INTS4: variants seen among roughly 807,000 people sequenced by gnomAD.
The protein encoded by INTS4 is MSTP093.
In INTS4, 70 loss-of-function variants were observed where a neutral mutation model predicts 119.5. That is an observed-to-expected ratio of 0.59 (90% CI 0.48 to 0.71). INTS4 has a LOEUF of 0.71. Ranked by LOEUF, INTS4 falls within the 30% of genes least tolerant of loss-of-function variation. The pLI, the probability that INTS4 is intolerant of heterozygous loss-of-function variation, is 0.00. For synonymous variants in INTS4, 316 were observed against 419.6 expected (o/e 0.75, Z 3.02); for missense variants, 867 against 1,173.2 (o/e 0.74, Z 3.81).
At chr11:77,913,218 A>C (rs751350122) in intron 15 of INTS4, among the ~76,000 whole-genome samples, 7 of 152,132 alleles carry the variant, frequency 4.6e-5, no homozygotes, top group Non-Finnish European at 1.0e-4. Flanking sequence ...CCTGCTAGTG[A>C]GTTTAAACAT....
Position 77,991,301 on chromosome 11 carries a change from T to C in INTS4, c.55-2A>G. The C allele has an allele frequency of 6.2e-7, 1 of 1,611,888 alleles. No homozygotes were observed. ...CTTAGTAGCAATTTCCTCCTGTGGC[T>C]GCAAGGGGTAGAGAAAATCGAAAAC... On this transcript the variant is annotated splice_acceptor_variant, in intron 1 of 22. Transcript: ENST00000534064. LOFTEE classifies it high-confidence loss of function.
At chr11:77,917,403 TC>T (rs71046922) in intron 15 of INTS4, among the ~76,000 whole-genome samples, 57,799 of 151,016 alleles carry the variant, frequency 0.38, 11,228 homozygotes, top group African/African-American at 0.42. Context: ...AAGCTCTGCC[TC>T]CCGAGTTCAA....
chr11:77,902,949 T>C (rs1479770279), intron 17 of INTS4, among the ~76,000 whole-genome samples: 1 of 152,206 alleles, frequency 6.6e-6, no homozygotes, highest in African/African-American at 2.4e-5. Context: ...AGATTCATGA[T>C]AGTAGAGACA....
At chr11:77,912,235 G>A (rs553736865) in intron 15 of INTS4, among the ~76,000 whole-genome samples, 8 of 152,136 alleles carry the variant, frequency 5.3e-5, no homozygotes, top group East Asian at 1.9e-4. Flanking sequence ...GGTGGAGTGC[G>A]CCTGTAGTCC....
At chr11:77,906,772 C>T (rs1257778100) in intron 16 of INTS4, among the ~76,000 whole-genome samples, 1 of 152,226 alleles carries the variant, frequency 6.6e-6, no homozygotes, top group Non-Finnish European at 1.5e-5. Context: ...CCCTGATTTA[C>T]TCTGACTTTA....
At chr11:77,933,778 G>A (rs113801120) in intron 10 of INTS4, among the ~76,000 whole-genome samples, 28,892 of 151,406 alleles carry the variant, frequency 0.19, 2,776 homozygotes, top group Middle Eastern at 0.23. Flanking sequence ...GGGAAGTGAG[G>A]AGCGTCTCCG....
chr11:77,971,416 G>A (rs1379727168), intron 4 of INTS4, among the ~76,000 whole-genome samples: 4 of 152,028 alleles, frequency 2.6e-5, no homozygotes, highest in Non-Finnish European at 5.9e-5. Context: ...GGAAGCCAAG[G>A]TGCATGGATC....
At chr11:77,933,242 T>A (rs964701709) in intron 10 of INTS4, among the ~76,000 whole-genome samples, 4 of 149,078 alleles carry the variant, frequency 2.7e-5, no homozygotes, top group African/African-American at 1.0e-4. Flanking sequence ...TCCCTCTCCC[T>A]CTCTCTCCAC....
chr11:77,977,521 A>C (rs988864913), intron 4 of INTS4, among the ~76,000 whole-genome samples: 1 of 152,024 alleles, frequency 6.6e-6, no homozygotes, highest in African/African-American at 2.4e-5. Flanking sequence ...TAAAGAAAAA[A>C]AATGGCAAAT....
intron 22 of INTS4, 97 bp from the exon 23 acceptor site, chr11:77,879,224 G>C: frequency 7.4e-7 from 1 of 1,359,626 alleles, no homozygotes; most frequent in Non-Finnish European, 1.0e-6. Context: ...GAAGCAGTAG[G>C]GAGAAATTTC....
intron 10 of INTS4, among the ~76,000 whole-genome samples, chr11:77,932,928 T>TG (rs987442280): frequency 8.3e-5 from 3 of 36,002 alleles, no homozygotes; most frequent in Admixed American, 4.2e-4. Context: ...ACACTGAAGG[T>TG]GGGGGGGCAT....
chr11:77,883,509 A>ACT, intron 22 of INTS4, among the ~76,000 whole-genome samples: 5 of 152,320 alleles, frequency 3.3e-5, no homozygotes, highest in Admixed American at 3.3e-4. Context: ...AAGGTGACCA[A>ACT]GCAAGTCGGT....
chr11:77,972,386 AC>A (rs1450920946), intron 4 of INTS4, among the ~76,000 whole-genome samples: 1 of 151,244 alleles, frequency 6.6e-6, no homozygotes, highest in Non-Finnish European at 1.5e-5. Flanking sequence ...GGCATGAGCC[AC>A]CACACCCGGC....
chr11:77,884,461 A>G (rs908891158), intron 21 of INTS4, among the ~76,000 whole-genome samples: 4 of 152,208 alleles, frequency 2.6e-5, no homozygotes, highest in African/African-American at 9.7e-5. Context: ...AGGCTCATAA[A>G]CTGCAACAGA....
chr11:77,920,160 C>T (rs1183586367), intron 14 of INTS4, among the ~76,000 whole-genome samples: 3 of 148,938 alleles, frequency 2.0e-5, no homozygotes, highest in African/African-American at 7.4e-5. Context: ...TATATATATA[C>T]ACATATATAT....
At position 77,978,971 on chromosome 11, in the gene INTS4, A is replaced by C. The variant is rs371671621; in HGVS notation, c.471+25T>G. Reference sequence around the variant, plus strand: ...GTCCTCAGTTACCAGTTTAGGATGGATCTGAATAGATTTTATACTCTTACC... The same window carrying C: ...GTCCTCAGTTACCAGTTTAGGATGGCTCTGAATAGATTTTATACTCTTACC... On this transcript the variant is annotated intron_variant, in intron 4 of 22. Transcript: ENST00000534064. 24 of 1,438,802 alleles carry C rather than the reference A, an allele frequency of 1.7e-5. No homozygotes were observed. In the South Asian group the frequency reaches 2.6e-4, roughly 16 times the overall value. 89.1% of individuals were successfully genotyped at this position (1,438,802 alleles called of 1,614,324 possible). A position where few individuals can be genotyped will look rare whatever the true frequency, so the allele number is the denominator to read the frequency against.
intron 6 of INTS4, among the ~76,000 whole-genome samples, chr11:77,959,461 C>T (rs561441953): frequency 8.5e-5 from 13 of 152,082 alleles, no homozygotes; most frequent in Non-Finnish European, 1.8e-4. Context: ...AGTCCATCCT[C>T]ACTCCCTTGA....
chr11:77,979,978 A>C (rs1347435819), intron 3 of INTS4, among the ~76,000 whole-genome samples: 11 of 121,202 alleles, frequency 9.1e-5, no homozygotes. Context: ...ACTCCATCTC[A>C]AAAAAAAAAA....
At chr11:77,877,289 C>T (rs1458896300), downstream of INTS4, among the ~76,000 whole-genome samples, 2 of 152,294 alleles carry the variant, frequency 1.3e-5, no homozygotes, top group Admixed American at 1.3e-4. Flanking sequence ...TACAACACTG[C>T]CAGGTACACC....
Sources: allele counts gnomAD v4.1 joint callset (sites outside exome capture counted in the v4.1 genomes callset), GRCh38; gene constraint gnomAD v4.1.1; transcripts MANE v1.5; gene names NCBI Gene and HGNC (gene_info 2026-07-23, HGNC 2026-07-21).